The following CHD9 variants were observed in gnomAD, a reference collection of about 807,000 sequenced individuals.
CHD9 encodes the protein chromodomain helicase DNA binding protein 9.
CHD9 carries 77 observed loss-of-function variants against 316.1 expected under a neutral mutation model. The observed-to-expected ratio is 0.24, with a 90% CI of 0.20 to 0.29. The LOEUF (loss-of-function observed/expected upper bound fraction) is 0.29. Among genes scored for constraint, CHD9 ranks in the 10% least tolerant of loss-of-function variants. The pLI is 1.00. For missense variants in CHD9, 2,763 were observed against 3,438.1 expected, an observed-to-expected ratio of 0.80 and a Z score of 4.91; for synonymous variants, 1,129 against 1,158.3, an observed-to-expected ratio of 0.97 and a Z score of 0.51.
chr16:53,125,527 C>T (rs966556026), intron 1 of CHD9, among the ~76,000 whole-genome samples: 16 of 152,184 alleles, frequency 1.1e-4, no homozygotes, highest in African/African-American at 3.1e-4. Context: ...TGAGCCACTG[C>T]GCCCAGCTGA....
chr16:53,246,271 T>C (rs1296234259), intron 15 of CHD9, among the ~76,000 whole-genome samples: 2 of 152,204 alleles, frequency 1.3e-5, no homozygotes, highest in African/African-American at 4.8e-5. Context: ...CTCTGTACAA[T>C]GTTTGGGTTT....
intron 34 of CHD9, among the ~76,000 whole-genome samples, chr16:53,310,583 C>T (rs1054908229): frequency 4.0e-5 from 6 of 151,762 alleles, no homozygotes; most frequent in Non-Finnish European, 7.4e-5. Context: ...TGTGGTGGCA[C>T]ATGCCTGTAA....
chr16:53,063,047 AT>A (rs1255230190), intron 1 of CHD9, among the ~76,000 whole-genome samples: 1 of 152,122 alleles, frequency 6.6e-6, no homozygotes, highest in Non-Finnish European at 1.5e-5. Context: ...AAATAAAAGA[AT>A]TTTATTAGAA....
chr16:53,088,642 T>A (rs2035678730), intron 1 of CHD9, among the ~76,000 whole-genome samples: 1 of 151,166 alleles, frequency 6.6e-6, no homozygotes, highest in Non-Finnish European at 1.5e-5. Context: ...GCAGGAGGAG[T>A]GGTTCATTAC....
In CHD9 at chr16:53,314,923, C is replaced by T. The variant is rs1397878328; in HGVS notation, c.7463C>T (p.Pro2488Leu). The change falls in exon 36 of 39, where the codon CCA (proline) becomes CTA (leucine). Residue 2488 changes from proline to leucine, a missense_variant. Physicochemically the swap from Pro to Leu is moderately conservative, Grantham distance 98 (BLOSUM62 -3). This residue lies in a region of CHD9 where 663 missense variants were observed against 751.2 expected (regional missense o/e 0.88). Transcript: ENST00000447540. Reference sequence around the variant, plus strand: ...ATTCCTGATACAGAAAGTCCAGTTCCAGTTATTAATCTTAAAGATGGAACG... The same window carrying T: ...ATTCCTGATACAGAAAGTCCAGTTCTAGTTATTAATCTTAAAGATGGAACG... ...QGIPDTESPVPVINLKDGTRL... is the reference protein window; with the variant it reads ...QGIPDTESPVLVINLKDGTRL... 1 of 1,613,604 alleles carries T rather than the reference C, an allele frequency of 6.2e-7. No individual in the cohort carries two copies. Among genetic ancestry groups the T allele is most frequent in the Admixed American group, 1.7e-5 (1 of 60,010 alleles).
intron 2 of CHD9, among the ~76,000 whole-genome samples, chr16:53,180,954 C>T (rs978642985): frequency 1.1e-4 from 16 of 151,864 alleles, no homozygotes; most frequent in East Asian, 1.9e-4. Context: ...GAATTACAGG[C>T]GTGAGCCACC....
At chr16:53,242,368 A>G (rs1392000038) in intron 12 of CHD9, among the ~76,000 whole-genome samples, 1 of 152,212 alleles carries the variant, frequency 6.6e-6, no homozygotes, top group Non-Finnish European at 1.5e-5. Flanking sequence ...GTTTACTGCT[A>G]TATCTCCAGC....
At chr16:53,263,678 A>G (rs1342547602) in intron 20 of CHD9, among the ~76,000 whole-genome samples, 1 of 152,152 alleles carries the variant, frequency 6.6e-6, no homozygotes, top group Non-Finnish European at 1.5e-5. Flanking sequence ...GATTAAAGGA[A>G]TTTTATATTA....
At chr16:53,066,123 A>G (rs927793826) in intron 1 of CHD9, among the ~76,000 whole-genome samples, 1 of 152,010 alleles carries the variant, frequency 6.6e-6, no homozygotes, top group African/African-American at 2.4e-5. Flanking sequence ...TGGGATTCCT[A>G]CCCCAGTTCC....
chr16:53,097,806 T>A (rs2152564302), intron 1 of CHD9, among the ~76,000 whole-genome samples: 1 of 152,328 alleles, frequency 6.6e-6, no homozygotes, highest in African/African-American at 2.4e-5. Context: ...CGATATTATT[T>A]TGATTTTGTG....
At chr16:53,274,718 C>A (rs572480722) in intron 24 of CHD9, among the ~76,000 whole-genome samples, 120 of 152,200 alleles carry the variant, frequency 7.9e-4, no homozygotes, top group African/African-American at 2.0e-3. Flanking sequence ...TTGGCCCCCC[C>A]ACAAAGTGCT....
At chr16:53,160,723 A>G (rs1315101449) in intron 2 of CHD9, among the ~76,000 whole-genome samples, 1 of 152,154 alleles carries the variant, frequency 6.6e-6, no homozygotes, top group Admixed American at 6.5e-5. Context: ...CCTGGCCAAC[A>G]TGGTGAAACC....
intron 2 of CHD9, among the ~76,000 whole-genome samples, chr16:53,198,097 C>T (rs1288922358): frequency 6.6e-6 from 1 of 152,044 alleles, no homozygotes; most frequent in Non-Finnish European, 1.5e-5. Flanking sequence ...CCCTGTTTTT[C>T]CATCTTTAGA....
At chr16:53,275,988 A>T (rs1392937010) in intron 24 of CHD9, among the ~76,000 whole-genome samples, 1 of 152,170 alleles carries the variant, frequency 6.6e-6, no homozygotes, top group African/African-American at 2.4e-5. Flanking sequence ...CAGAATTTTG[A>T]CAGTGACATC....
Position 53,254,558 on chromosome 16 carries a change from A to G in CHD9, c.3982A>G (p.Lys1328Glu). 6.2e-7 allele frequency: 1 copy of G among 1,613,182 alleles called. No homozygotes were observed. Among genetic ancestry groups the G allele is most frequent in the Non-Finnish European group, 8.5e-7 (1 of 1,179,420 alleles). The change falls in exon 18 of 39, where the codon AAA (lysine) becomes GAA (glutamate). Residue 1328 changes from lysine to glutamate, a missense_variant. This residue lies in a region of CHD9 where 199 missense variants were observed against 251.7 expected (regional missense o/e 0.79). Coordinates refer to ENST00000447540, the MANE Select transcript of CHD9 (RefSeq NM_001308319.2). Reference protein sequence around the residue: ...DRASLKLGLDKAVLQSMSGRE... With the variant: ...DRASLKLGLDEAVLQSMSGRE... Reference sequence around the variant, plus strand: ...AGCCAGTTTGAAACTGGGCCTAGATAAAGCTGTGTTACAGAGCATGAGTGG... The same window carrying G: ...AGCCAGTTTGAAACTGGGCCTAGATGAAGCTGTGTTACAGAGCATGAGTGG...
intron 1 of CHD9, among the ~76,000 whole-genome samples, chr16:53,066,511 G>C (rs1247168649): frequency 1.3e-5 from 2 of 152,176 alleles, no homozygotes; most frequent in Non-Finnish European, 2.9e-5. Flanking sequence ...AGAATCAGTG[G>C]CACCTGGAGC....
At chr16:53,262,884 G>C (rs1345557476) in intron 19 of CHD9, 103 bp from the exon 20 acceptor site, 6 of 897,284 alleles carry the variant, frequency 6.7e-6, no homozygotes, top group Admixed American at 4.0e-5. Context: ...TTTGATGTAT[G>C]AGTATGCAGA....
chr16:53,229,938 GTGTGTATGTGTGCA>G (rs750616206), intron 8 of CHD9, among the ~76,000 whole-genome samples: 34 of 152,290 alleles, frequency 2.2e-4, no homozygotes, highest in South Asian at 1.7e-3. Flanking sequence ...CAAAAAGAGA[GTGTGTATGTGTGCA>G]TGTGTATGTG....
In CHD9 at chr16:53,324,125, A is replaced by ACAG. The variant is rs759658696; in HGVS notation, c.7935_7937dup (p.Ala2648dup). On this transcript the variant is annotated inframe_insertion, in exon 39 of 39. Transcript: ENST00000447540. ...GCCTAAAAGTGGAATTGCAAAGGCCACAGCAGCAGCAGCTGCTGCATCTGC... is the reference window on the plus strand; with the variant it reads ...GCCTAAAAGTGGAATTGCAAAGGCCACAGCAGCAGCAGCAGCTGCTGCATCTGC... 98 of 1,613,804 alleles carry ACAG rather than the reference A, an allele frequency of 6.1e-5. No individual in the cohort carries two copies. In the African/African-American group the frequency reaches 1.0e-3, roughly 17 times the overall value.
Sources: allele counts gnomAD v4.1 joint callset (sites outside exome capture counted in the v4.1 genomes callset), GRCh38; gene constraint gnomAD v4.1.1; regional missense constraint gnomAD v4.1.1; transcripts MANE v1.5; gene names NCBI Gene and HGNC (gene_info 2026-07-23, HGNC 2026-07-21).